Variants in ZNF710 observed in about 807,000 individuals in gnomAD.
The protein encoded by ZNF710 is zinc finger protein 710.
A neutral mutation model predicts 50.6 loss-of-function variants in ZNF710; 13 were observed. The observed-to-expected ratio is 0.26, with a 90% CI of 0.17 to 0.41. The LOEUF (loss-of-function observed/expected upper bound fraction) is 0.41. Ranked by LOEUF, ZNF710 falls within the 10% of genes least tolerant of loss-of-function variation. The pLI is 1.00. For synonymous variants in ZNF710, 383 were observed against 397.0 expected (o/e 0.96, Z 0.42); for missense variants, 721 against 936.6 (o/e 0.77, Z 3.01).
intron 4 of ZNF710, 62 bp from the exon 5 acceptor site, chr15:90,079,598 T>TG (rs1900672897): frequency 3.2e-6 from 5 of 1,581,592 alleles, no homozygotes; most frequent in African/African-American, 2.7e-5. Context: ...GCTTCCTGCG[T>TG]GGGGGTGACT....
chr15:90,025,469 C>G (rs1898749206), intron 1 of ZNF710: 1 of 152,206 alleles, frequency 6.6e-6, no homozygotes, highest in Non-Finnish European at 1.5e-5. Context: ...GCTCCATAAT[C>G]TCACAAGCTG....
intron 2 of ZNF710, among the ~76,000 whole-genome samples, chr15:90,071,788 A>G (rs915321388): frequency 6.7e-6 from 1 of 148,378 alleles, no homozygotes; most frequent in Non-Finnish European, 1.5e-5. Flanking sequence ...AAGCAATTCT[A>G]CTGCCTCAGC....
At chr15:90,009,072 A>G (rs1375022200) in intron 1 of ZNF710, among the ~76,000 whole-genome samples, 1 of 151,980 alleles carries the variant, frequency 6.6e-6, no homozygotes, top group African/African-American at 2.4e-5. Flanking sequence ...ATGGGAAACT[A>G]TAACTTTTGT....
chr15:90,023,268 AG>A (rs1461989463), intron 1 of ZNF710, among the ~76,000 whole-genome samples: 1 of 152,234 alleles, frequency 6.6e-6, no homozygotes, highest in Non-Finnish European at 1.5e-5. Context: ...GGAGCTACAG[AG>A]GTAGGTGAGC....
intron 1 of ZNF710, among the ~76,000 whole-genome samples, chr15:90,050,191 G>A (rs756286478): frequency 2.0e-5 from 3 of 152,214 alleles, no homozygotes; most frequent in Non-Finnish European, 4.4e-5. Context: ...ATCCGTACTC[G>A]AGCTGGGTGT....
At chr15:90,069,374 C>G (rs1250138059) in intron 2 of ZNF710, among the ~76,000 whole-genome samples, 2 of 151,860 alleles carry the variant, frequency 1.3e-5, no homozygotes, top group African/African-American at 4.8e-5. Flanking sequence ...CGATACTGCA[C>G]TTCAGCCTGG....
At position 90,081,994 on chromosome 15, in the gene ZNF710, C is replaced by CT. The variant is rs767141944; in HGVS notation, c.*2166dup. Reference sequence around the variant, plus strand: ...GCAAGGCTCCTGTCTGTACCCCTCCCTAACCTTCTCAAAAGAGGTGCACAG... The same window carrying CT: ...GCAAGGCTCCTGTCTGTACCCCTCCCTTAACCTTCTCAAAAGAGGTGCACAG... On this transcript the variant is annotated 3_prime_UTR_variant, in exon 5 of 5. Transcript: ENST00000268154. The CT allele has an allele frequency of 1.3e-5, 2 of 152,248 alleles. No individual in the cohort carries two copies. Among genetic ancestry groups the CT allele is most frequent in the Non-Finnish European group, 2.9e-5 (2 of 68,070 alleles). 9.4% of individuals were successfully genotyped at this position (152,248 alleles called of 1,614,324 possible).
chr15:90,063,884 T>A (rs1900087428), intron 1 of ZNF710, among the ~76,000 whole-genome samples: 1 of 152,152 alleles, frequency 6.6e-6, no homozygotes, highest in East Asian at 1.9e-4. Context: ...GGAAGGGAAC[T>A]AACGACACTG....
At chr15:90,004,601 T>C (rs1898092897) in intron 1 of ZNF710, among the ~76,000 whole-genome samples, 1 of 152,164 alleles carries the variant, frequency 6.6e-6, no homozygotes, top group Non-Finnish European at 1.5e-5. Context: ...GCCTTAGAGA[T>C]TGTCTGAAAG....
At chr15:90,036,248 C>T (rs892381436) in intron 1 of ZNF710, among the ~76,000 whole-genome samples, 2 of 131,890 alleles carry the variant, frequency 1.5e-5, no homozygotes, top group Admixed American at 1.6e-4. Flanking sequence ...CCCACCCCCT[C>T]CGCCTCTGTT....
intron 1 of ZNF710, among the ~76,000 whole-genome samples, chr15:90,008,467 C>CATATATATAT (rs1898212719): frequency 7.7e-6 from 1 of 129,960 alleles, no homozygotes; most frequent in African/African-American, 3.6e-5. Flanking sequence ...TATATATATA[C>CATATATATAT]ATGAAGTAAA....
chr15:90,073,274 T>C lies in ZNF710; in HGVS notation c.1650+12T>C. 2 of 1,608,554 alleles carry C rather than the reference T, an allele frequency of 1.2e-6. No individual in the cohort carries two copies. Among genetic ancestry groups the C allele is most frequent in the Non-Finnish European group, 1.7e-6 (2 of 1,175,506 alleles). ...CATTCAAATGCAAGGTACCCGGTCA[T>C]CAGGCCCCGGGGCTGGGACCTCCCC... On this transcript the variant is annotated intron_variant, in intron 3 of 4. Coordinates refer to ENST00000268154, the MANE Select transcript of ZNF710 (RefSeq NM_198526.4).
chr15:90,023,719 C>T (rs920737874), intron 1 of ZNF710, among the ~76,000 whole-genome samples: 4 of 151,968 alleles, frequency 2.6e-5, no homozygotes, highest in African/African-American at 9.7e-5. Context: ...AATGCTTGAC[C>T]AGGCATGGTG....
At chr15:90,044,301 AG>A (rs1222005921) in intron 1 of ZNF710, among the ~76,000 whole-genome samples, 1 of 152,214 alleles carries the variant, frequency 6.6e-6, no homozygotes, top group Non-Finnish European at 1.5e-5. Context: ...ATGGGGCTCA[AG>A]ATGAGGGTGA....
chr15:89,999,048 A>G (rs552745063), upstream of ZNF710, among the ~76,000 whole-genome samples: 165 of 152,292 alleles, frequency 1.1e-3, 2 homozygotes, highest in African/African-American at 3.8e-3. Flanking sequence ...TAAACACTTC[A>G]ACTCTTGACA....
rs543750686 is a variant in ZNF710, at chr15:90,034,838, C to A, written c.-28-32272C>A. ...TTGGGGACTTAGACCTCTTCCACAT[C>A]GCCCCAAGGTCGGGCTGAAGAGATT... On this transcript the variant is annotated intron_variant, in intron 1 of 4. Transcript: ENST00000268154. The surrounding 1 kb of genome is among the most constrained non-coding windows in gnomAD (Gnocchi z 4.0). Among the ~76,000 whole-genome samples, 1 of 152,212 alleles carries A rather than the reference C, an allele frequency of 6.6e-6. No homozygotes were observed. The highest frequency in any genetic ancestry group is 1.5e-5 in the Non-Finnish European group (1 of 68,036).
At chr15:90,024,560 A>G (rs893701890) in intron 1 of ZNF710, among the ~76,000 whole-genome samples, 1 of 152,254 alleles carries the variant, frequency 6.6e-6, no homozygotes, top group Non-Finnish European at 1.5e-5. Context: ...AAGGGAGCGC[A>G]GGTGGCTGCA....
chr15:90,057,408 C>T (rs1899853387), intron 1 of ZNF710, among the ~76,000 whole-genome samples: 1 of 151,934 alleles, frequency 6.6e-6, no homozygotes, highest in African/African-American at 2.4e-5. Flanking sequence ...TGCTAATTAA[C>T]TTCGAGGCCG....
rs552850320 is a variant in ZNF710 at position 90,033,507 on chromosome 15, G to A, written c.-29+31893G>A. On this transcript the variant is annotated intron_variant, in intron 1 of 4. Transcript: ENST00000268154. ...AAAGGGGTTGGCTCCTAGGCTAGCC[G>A]GCTACTCCACGTTGAGCCTTCTGCC... is the stretch of plus-strand genomic sequence containing the variant. Among the ~76,000 whole-genome samples, 8 of 152,230 alleles carry A rather than the reference G, an allele frequency of 5.3e-5. 1 individual carries two copies. Among genetic ancestry groups the A allele is most frequent in the East Asian group, 3.9e-4 (2 of 5,184 alleles).
Sources: gnomAD v4.1 joint callset for allele counts (sites outside exome capture counted in the v4.1 genomes callset) on GRCh38, gnomAD v4.1.1 for gene constraint, Gnocchi (gnomAD v3.1) non-coding constraint, MANE v1.5 for transcripts, NCBI Gene and HGNC (gene_info 2026-07-23, HGNC 2026-07-21) for gene names.